The following GPC6 variants were observed in gnomAD, a reference collection of about 807,000 sequenced individuals.
The protein encoded by GPC6 is glypican 6, also known as glypican-6.
A neutral mutation model predicts 55.2 loss-of-function variants in GPC6; 14 were observed. That is an observed-to-expected ratio of 0.25 (90% confidence interval 0.17 to 0.40). GPC6 has a LOEUF of 0.40. Ranked by LOEUF, GPC6 falls within the 10% of genes least tolerant of loss-of-function variation. The pLI is 1.00. For missense variants in GPC6, 641 were observed against 708.5 expected, an observed-to-expected ratio of 0.90 and a Z score of 1.08; for synonymous variants, 278 against 259.6, an observed-to-expected ratio of 1.07 and a Z score of -0.68.
chr13:94,196,564 C>T (rs1454517137), intron 4 of GPC6, among the ~76,000 whole-genome samples: 1 of 152,190 alleles, frequency 6.6e-6, no homozygotes, highest in African/African-American at 2.4e-5. Context: ...TCTTGCATTA[C>T]ATCCACTTCT....
intron 1 of GPC6, among the ~76,000 whole-genome samples, chr13:93,529,168 T>C (rs1881766306): frequency 1.3e-5 from 2 of 152,196 alleles, no homozygotes; most frequent in African/African-American, 4.8e-5. Flanking sequence ...TCTGAAATAC[T>C]CTGTTGTATT....
rs8001170 is a variant in GPC6, at chr13:93,450,004, G to A, written c.161-95259G>A. ...TCACCATGTTGGCCACGATGGTCTC[G>A]ATCTCTTGACCTCGTGACCTGCCTG... is the stretch of plus-strand genomic sequence containing the variant. On this transcript the variant is annotated intron_variant, in intron 1 of 8. Transcript: ENST00000377047. Among the ~76,000 whole-genome samples the A allele has an allele frequency of 3.7e-3, 562 of 151,692 alleles. 7 individuals carry two copies. Among genetic ancestry groups the A allele is most frequent in the African/African-American group, 0.013 (542 of 41,330 alleles).
chr13:94,163,633 G>GA (rs1467257652), intron 4 of GPC6, among the ~76,000 whole-genome samples: 1 of 152,122 alleles, frequency 6.6e-6, no homozygotes, highest in Non-Finnish European at 1.5e-5. Flanking sequence ...AAAAGGATTA[G>GA]AAAAGTTATA....
Position 94,027,841 on chromosome 13 carries a change from A to AG in GPC6, c.827dup (p.Cys277LeufsTer7). 2 of 1,614,112 alleles carry AG rather than the reference A, an allele frequency of 1.2e-6. No homozygotes were observed. Among genetic ancestry groups the AG allele is most frequent in the Non-Finnish European group, 1.7e-6 (2 of 1,180,002 alleles). The stretch of plus-strand genomic sequence containing the variant: ...AACAACTACTGTCTCAACGTCATGA[A>AG]GGGCTGCTTGGCAAATCAGGCTGAC... On this transcript the variant is annotated frameshift_variant, in exon 4 of 9. Transcript: ENST00000377047. LOFTEE classifies it high-confidence loss of function.
intron 4 of GPC6, among the ~76,000 whole-genome samples, chr13:94,175,789 T>C (rs1294148963): frequency 6.7e-6 from 1 of 149,258 alleles, no homozygotes; most frequent in Non-Finnish European, 1.5e-5. Context: ...TAAGCATATA[T>C]ACATATATTT....
intron 4 of GPC6, among the ~76,000 whole-genome samples, chr13:94,088,345 T>C (rs1379754829): frequency 6.6e-6 from 1 of 152,122 alleles, no homozygotes; most frequent in Non-Finnish European, 1.5e-5. Flanking sequence ...GCATAGTCTT[T>C]GCATGGACAT....
rs527412233 is a variant in GPC6 at position 94,308,738 on chromosome 13, C to T, written c.1152+2615C>T. 2.5e-4 allele frequency among the ~76,000 whole-genome samples: 38 copies of T among 152,302 alleles called. No individual in the cohort carries two copies. In the South Asian group the frequency reaches 3.9e-3, roughly 16 times the overall value. Reference sequence around the variant, plus strand: ...TTAGTGACGTGTAATGCACAGCCAGCCATAAGCCCACTTTGCTCAGCTCCT... The same window carrying T: ...TTAGTGACGTGTAATGCACAGCCAGTCATAAGCCCACTTTGCTCAGCTCCT... On this transcript the variant is annotated intron_variant, in intron 6 of 8. Transcript: ENST00000377047.
At chr13:93,436,622 A>G (rs1287744308) in intron 1 of GPC6, among the ~76,000 whole-genome samples, 1 of 151,996 alleles carries the variant, frequency 6.6e-6, no homozygotes, top group Non-Finnish European at 1.5e-5. Flanking sequence ...TTTTAATTCC[A>G]TGTATACTTA....
chr13:93,750,995 G>A (rs998916636), intron 2 of GPC6, among the ~76,000 whole-genome samples: 2 of 152,114 alleles, frequency 1.3e-5, no homozygotes, highest in Non-Finnish European at 1.5e-5. Flanking sequence ...TGTGCAAAAG[G>A]AGGGAGGAAA....
At chr13:93,395,204 T>C in intron 1 of GPC6, 2 of 334,906 alleles carry the variant, frequency 6.0e-6, no homozygotes, top group South Asian at 6.8e-5. Context: ...ACTACTAATG[T>C]TTCTTCCATG....
At chr13:93,260,624 A>G (rs1877112207) in intron 1 of GPC6, among the ~76,000 whole-genome samples, 1 of 152,154 alleles carries the variant, frequency 6.6e-6, no homozygotes, top group African/African-American at 2.4e-5. Context: ...ATCACATTAC[A>G]GGACACACTG....
chr13:94,271,108 A>C (rs1891991687), intron 4 of GPC6, among the ~76,000 whole-genome samples: 1 of 149,052 alleles, frequency 6.7e-6, no homozygotes, highest in Non-Finnish European at 1.5e-5. Flanking sequence ...CTCCTGCCTC[A>C]GCCTCCCGAG....
At chr13:93,589,854 G>A (rs978476641) in intron 2 of GPC6, among the ~76,000 whole-genome samples, 2 of 152,178 alleles carry the variant, frequency 1.3e-5, no homozygotes, top group South Asian at 2.1e-4. Context: ...ATCATGTGGA[G>A]TAAGTTAGCC....
At chr13:93,904,778 A>G (rs570537584) in intron 3 of GPC6, among the ~76,000 whole-genome samples, 1 of 152,000 alleles carries the variant, frequency 6.6e-6, no homozygotes, top group African/African-American at 2.4e-5. Context: ...CTTTTTTTAA[A>G]ATTTATTATT....
chr13:93,651,533 G>C (rs1880408005), intron 2 of GPC6, among the ~76,000 whole-genome samples: 1 of 152,084 alleles, frequency 6.6e-6, no homozygotes, highest in African/African-American at 2.4e-5. Flanking sequence ...AATACCTCCT[G>C]ACTTAGATTG....
Position 93,947,190 on chromosome 13 carries a change from G to C in GPC6, c.712-80539G>C, listed in dbSNP as rs58217969. On this transcript the variant is annotated intron_variant, in intron 3 of 8. Coordinates refer to ENST00000377047, the MANE Select transcript of GPC6 (RefSeq NM_005708.5). ...AGCTGTAAGAAGCATGCCGTTAAGT[G>C]CAGGGTTGCCTGCTGGATGCTTGAT... is the stretch of plus-strand genomic sequence containing the variant. Among the ~76,000 whole-genome samples, 880 of 152,294 alleles carry C rather than the reference G, an allele frequency of 5.8e-3. 11 individuals carry two copies. Among genetic ancestry groups the C allele is most frequent in the African/African-American group, 0.02 (840 of 41,554 alleles).
intron 2 of GPC6, among the ~76,000 whole-genome samples, chr13:93,678,166 C>T (rs1881717337): frequency 6.6e-6 from 1 of 151,956 alleles, no homozygotes. Flanking sequence ...TCCTGTTTTA[C>T]AAGAAAAGAT....
rs373232793 is a variant in GPC6 at position 94,075,155 on chromosome 13, T to C, written c.877+47261T>C. 3.3e-5 allele frequency among the ~76,000 whole-genome samples: 5 copies of C among 152,338 alleles called. No homozygotes were observed. The South Asian group carries it at 8.3e-4, about 25-fold the overall frequency. On this transcript the variant is annotated intron_variant, in intron 4 of 8. Coordinates refer to ENST00000377047, the MANE Select transcript of GPC6 (RefSeq NM_005708.5). ...TAATGGTGTGTGAAGTCATAACCAA[T>C]TTATGAATGTAATAATACAGTAAGC...
intron 5 of GPC6, 45 bp from the exon 6 acceptor site, chr13:94,305,935 A>G (rs1338448392): frequency 6.3e-7 from 1 of 1,598,126 alleles, no homozygotes; most frequent in Admixed American, 1.7e-5. Context: ...AATTTAGGAG[A>G]AAACTCATTG....
Sources: gnomAD v4.1 joint callset for allele counts (sites outside exome capture counted in the v4.1 genomes callset) on GRCh38, gnomAD v4.1.1 for gene constraint, MANE v1.5 for transcripts, NCBI Gene and HGNC (gene_info 2026-07-23, HGNC 2026-07-21) for gene names.